Variants in NAALADL2 observed in about 807,000 individuals in gnomAD.
NAALADL2 encodes the protein inactive N-acetylated-alpha-linked acidic dipeptidase-like protein 2.
A neutral mutation model predicts 87.2 loss-of-function variants in NAALADL2; 76 were observed. The observed-to-expected ratio is 0.87, with a 90% CI of 0.72 to 1.05. The LOEUF (loss-of-function observed/expected upper bound fraction) is 1.05. Ranked by LOEUF, NAALADL2 falls within the 50% of genes least tolerant of loss-of-function variation. NAALADL2 has a pLI of 0.00. For synonymous variants in NAALADL2, 354 were observed against 331.0 expected (o/e 1.07, Z -0.75); for missense variants, 1,089 against 945.8 (o/e 1.15, Z -1.99).
At chr3:175,604,429 G>T (rs757370886) in intron 10 of NAALADL2, among the ~76,000 whole-genome samples, 1 of 149,276 alleles carries the variant, frequency 6.7e-6, no homozygotes, top group Non-Finnish European at 1.5e-5. Context: ...TCAGCCTCCC[G>T]AGTAGCTGGG....
chr3:175,110,788 T>G (rs1336591564), intron 2 of NAALADL2, among the ~76,000 whole-genome samples: 2 of 151,822 alleles, frequency 1.3e-5, no homozygotes, highest in Middle Eastern at 3.2e-3. Flanking sequence ...ATTTGCTGAT[T>G]GGTTCAAGAA....
At chr3:174,625,057 C>CTTTTTTT (rs1553802468) in intron 2 of NAALADL2, among the ~76,000 whole-genome samples, 12 of 78,856 alleles carry the variant, frequency 1.5e-4, no homozygotes, top group African/African-American at 3.0e-4. Flanking sequence ...CTCTCTCTCT[C>CTTTTTTT]TTTTTTTTTT....
intron 10 of NAALADL2, among the ~76,000 whole-genome samples, chr3:175,590,921 A>T (rs1034702997): frequency 2.6e-5 from 4 of 152,098 alleles, no homozygotes; most frequent in African/African-American, 9.7e-5. Flanking sequence ...TTAGGGATGA[A>T]GGGGGGTGCG....
chr3:175,611,498 G>GA (rs1473759870), intron 10 of NAALADL2, among the ~76,000 whole-genome samples: 2 of 151,806 alleles, frequency 1.3e-5, no homozygotes, highest in Non-Finnish European at 2.9e-5. Context: ...AAGTTAAAAA[G>GA]AAAAAAGAGG....
rs551619304 is a variant in NAALADL2 at position 174,834,649 on chromosome 3, C to G, written c.-9+96903C>G. On this transcript the variant is annotated intron_variant, in intron 3 of 3. Transcript: ENST00000434257. ...TAAAAAGTCAATTGTATCTTATATACTAGTAAAATACTATTAAAAACAAAT... is the reference window on the plus strand; with the variant it reads ...TAAAAAGTCAATTGTATCTTATATAGTAGTAAAATACTATTAAAAACAAAT... Among the ~76,000 whole-genome samples the G allele has an allele frequency of 4.0e-5, 6 of 151,850 alleles. No homozygotes were observed. The South Asian group carries it at 1.2e-3, about 31-fold the overall frequency.
chr3:175,703,436 G>A (rs1953160), intron 11 of NAALADL2, among the ~76,000 whole-genome samples: 40,248 of 152,002 alleles, frequency 0.26, 7,227 homozygotes, highest in African/African-American at 0.51. Context: ...AAGTACCTTC[G>A]TTTCCTTAAA....
chr3:174,929,522 G>A lies in NAALADL2; in HGVS notation c.43+70072G>A, dbSNP rs143967306. 1.2e-4 allele frequency among the ~76,000 whole-genome samples: 19 copies of A among 152,130 alleles called. No homozygotes were observed. The East Asian group carries it at 2.5e-3, about 20-fold the overall frequency. ...CTTTTAGAGCATTATATATATTAAT[G>A]TATGTAAGTATGTATGTGTACATAT... On this transcript the variant is annotated intron_variant, in intron 1 of 13. Coordinates refer to ENST00000454872, the MANE Select transcript of NAALADL2 (RefSeq NM_207015.3).
intron 2 of NAALADL2, among the ~76,000 whole-genome samples, chr3:174,666,069 G>A (rs1016382566): frequency 6.6e-6 from 1 of 151,964 alleles, no homozygotes; most frequent in Admixed American, 6.6e-5. Flanking sequence ...AGGTACCTAG[G>A]GTTAGGATGT....
intron 2 of NAALADL2, among the ~76,000 whole-genome samples, chr3:175,174,098 A>C (rs1245420743): frequency 6.6e-6 from 1 of 152,208 alleles, no homozygotes; most frequent in East Asian, 1.9e-4. Context: ...GAATGGCAGT[A>C]ACACACTCCT....
intron 2 of NAALADL2, among the ~76,000 whole-genome samples, chr3:174,721,263 TA>T (rs777196806): frequency 2.6e-5 from 4 of 152,216 alleles, no homozygotes; most frequent in Non-Finnish European, 4.4e-5. Context: ...TAAGAGGTGA[TA>T]AAAATACACT....
intron 2 of NAALADL2, among the ~76,000 whole-genome samples, chr3:174,638,595 TAA>T (rs922985253): frequency 1.3e-5 from 2 of 151,718 alleles, no homozygotes. Flanking sequence ...GGTTTTTTTT[TAA>T]AAAAAACTTG....
chr3:175,317,999 T>TA (rs1759370452), intron 4 of NAALADL2, among the ~76,000 whole-genome samples: 1 of 152,164 alleles, frequency 6.6e-6, no homozygotes, highest in South Asian at 2.1e-4. Flanking sequence ...CAAGCATGTT[T>TA]ATTGCATATA....
intron 3 of NAALADL2, among the ~76,000 whole-genome samples, chr3:174,845,449 G>A (rs921354728): frequency 1.3e-5 from 2 of 152,178 alleles, no homozygotes; most frequent in Non-Finnish European, 2.9e-5. Context: ...GGAAGGCAGG[G>A]CACCTCTTGG....
At chr3:175,681,043 G>T (rs1735523423) in intron 11 of NAALADL2, among the ~76,000 whole-genome samples, 1 of 152,146 alleles carries the variant, frequency 6.6e-6, no homozygotes, top group South Asian at 2.1e-4. Context: ...AACCCGGGAG[G>T]TGGAGGTTGC....
At chr3:175,153,222 T>C (rs969298534) in intron 2 of NAALADL2, among the ~76,000 whole-genome samples, 1 of 152,168 alleles carries the variant, frequency 6.6e-6, no homozygotes, top group Non-Finnish European at 1.5e-5. Context: ...GTGTCTAGCC[T>C]TTCCAGCCAA....
chr3:175,595,673 A>C (rs1265419549), intron 10 of NAALADL2, among the ~76,000 whole-genome samples: 1 of 152,022 alleles, frequency 6.6e-6, no homozygotes, highest in Non-Finnish European at 1.5e-5. Flanking sequence ...CTGGGACTAC[A>C]GCTGCCCAAG....
At chr3:174,706,722 C>A (rs1730104644) in intron 2 of NAALADL2, among the ~76,000 whole-genome samples, 2 of 152,140 alleles carry the variant, frequency 1.3e-5, no homozygotes, top group Admixed American at 6.5e-5. Context: ...ATGCCTATAC[C>A]CTAAATGGTA....
chr3:174,935,121 G>C (rs962202531), intron 1 of NAALADL2, among the ~76,000 whole-genome samples: 1 of 151,924 alleles, frequency 6.6e-6, no homozygotes, highest in Admixed American at 6.6e-5. Context: ...ATTCTGTAAA[G>C]TTAATTTGAT....
chr3:174,942,296 A>C (rs1579643043), intron 1 of NAALADL2, among the ~76,000 whole-genome samples: 1 of 152,250 alleles, frequency 6.6e-6, no homozygotes, highest in East Asian at 1.9e-4. Context: ...TAGGAAGCTT[A>C]GTTTGGCTGG....
Sources: allele counts gnomAD v4.1 joint callset (sites outside exome capture counted in the v4.1 genomes callset), GRCh38; gene constraint gnomAD v4.1.1; transcripts MANE v1.5; gene names NCBI Gene and HGNC (gene_info 2026-07-23, HGNC 2026-07-21).